The following COMMD10 variants were observed in gnomAD, a reference collection of about 807,000 sequenced individuals.
COMMD10 encodes COMM domain containing 10.
COMMD10 carries 33 observed loss-of-function variants against 28.9 expected under a neutral mutation model. That is an observed-to-expected ratio of 1.14 (90% CI 0.87 to 1.53). The LOEUF is 1.53. Ranked by LOEUF, COMMD10 falls within the 40% of genes most tolerant of loss-of-function variation. The pLI is 0.00. For synonymous variants in COMMD10, 110 were observed against 81.7 expected, an observed-to-expected ratio of 1.35 and a Z score of -1.87; for missense variants, 310 against 233.4, an observed-to-expected ratio of 1.33 and a Z score of -2.14.
At chr5:116,268,617 A>C (rs980124645) in intron 5 of COMMD10, among the ~76,000 whole-genome samples, 20 of 151,934 alleles carry the variant, frequency 1.3e-4, no homozygotes, top group East Asian at 1.9e-4. Flanking sequence ...ACCCAAAGGA[A>C]TATAAATCAT....
Position 116,103,121 on chromosome 5 carries a change from A to C in COMMD10, c.399+10421A>C, listed in dbSNP as rs559687940. Among the ~76,000 whole-genome samples, 260 of 152,276 alleles carry C rather than the reference A, an allele frequency of 1.7e-3. 1 individual carries two copies. The highest frequency in any genetic ancestry group is 5.8e-3 in the African/African-American group (240 of 41,544). ...TCTTTGCTGTTGTGAACAGTGCTGC[A>C]ATAAACATACATGTGCATGTGTCTT... On this transcript the variant is annotated intron_variant, in intron 4 of 6. Coordinates refer to ENST00000274458, the MANE Select transcript of COMMD10 (RefSeq NM_016144.4).
intron 5 of COMMD10, among the ~76,000 whole-genome samples, chr5:116,234,714 GAAA>G (rs1382411314): frequency 6.6e-6 from 1 of 152,066 alleles, no homozygotes; most frequent in Non-Finnish European, 1.5e-5. Context: ...AGGAACTTCC[GAAA>G]AAATAGTACT....
intron 4 of COMMD10, among the ~76,000 whole-genome samples, chr5:116,110,623 A>G (rs1471128251): frequency 6.6e-6 from 1 of 152,172 alleles, no homozygotes; most frequent in East Asian, 1.9e-4. Flanking sequence ...ACATTGCTAC[A>G]CAGAAATACC....
intron 5 of COMMD10, among the ~76,000 whole-genome samples, chr5:116,189,766 G>A (rs149420941): frequency 6.6e-6 from 1 of 152,132 alleles, no homozygotes; most frequent in East Asian, 1.9e-4. Context: ...GAAGAAAACA[G>A]TAATGAAAAT....
At chr5:116,118,947 A>G (rs1271980064) in intron 4 of COMMD10, among the ~76,000 whole-genome samples, 1 of 152,248 alleles carries the variant, frequency 6.6e-6, no homozygotes, top group African/African-American at 2.4e-5. Context: ...TGTTAGCAAA[A>G]TCACTCTTAT....
chr5:116,090,592 C>A (rs1580435476), intron 2 of COMMD10, among the ~76,000 whole-genome samples: 1 of 152,312 alleles, frequency 6.6e-6, no homozygotes, highest in South Asian at 2.1e-4. Flanking sequence ...GAGAGGTCAG[C>A]TCTCTGGGTT....
chr5:116,175,440 A>G (rs1753472803), intron 5 of COMMD10, among the ~76,000 whole-genome samples: 1 of 152,142 alleles, frequency 6.6e-6, no homozygotes, highest in Admixed American at 6.6e-5. Context: ...ATGAATGTAA[A>G]ATTGTATAGC....
intron 5 of COMMD10, among the ~76,000 whole-genome samples, chr5:116,149,201 C>CT (rs1752435740): frequency 6.9e-6 from 1 of 145,384 alleles, no homozygotes; most frequent in Non-Finnish European, 1.5e-5. Context: ...TTTTTTATGG[C>CT]TGCGTAGTAT....
At position 116,185,184 on chromosome 5, in the gene COMMD10, A is replaced by T. The variant is rs185358792; in HGVS notation, c.510+51006A>T. ...TATATTGTCTTAACCTATGTGATCC[A>T]CAATGACCCAAACTACAATGTATGT... is the stretch of plus-strand genomic sequence containing the variant. On this transcript the variant is annotated intron_variant, in intron 5 of 6. Coordinates refer to ENST00000274458, the MANE Select transcript of COMMD10 (RefSeq NM_016144.4). 3.9e-5 allele frequency among the ~76,000 whole-genome samples: 6 copies of T among 152,188 alleles called. No individual in the cohort carries two copies. In the East Asian group the frequency reaches 1.2e-3, roughly 29 times the overall value.
At chr5:116,135,991 T>TTA (rs1241950230) in intron 5 of COMMD10, among the ~76,000 whole-genome samples, 1 of 152,208 alleles carries the variant, frequency 6.6e-6, no homozygotes, top group African/African-American at 2.4e-5. Flanking sequence ...TGTAAAGTGT[T>TTA]TAGTCCAGTG....
chr5:116,254,462 G>T (rs1212101590), intron 5 of COMMD10, among the ~76,000 whole-genome samples: 2 of 151,068 alleles, frequency 1.3e-5, no homozygotes, highest in Admixed American at 6.6e-5. Flanking sequence ...TCTACACACT[G>T]CTTTGAATGC....
At chr5:116,230,254 G>T (rs1749496618) in intron 5 of COMMD10, among the ~76,000 whole-genome samples, 1 of 151,904 alleles carries the variant, frequency 6.6e-6, no homozygotes. Context: ...TCCATTACTT[G>T]TTAAGTGGTA....
At chr5:116,275,669 A>T (rs1018229389) in intron 5 of COMMD10, among the ~76,000 whole-genome samples, 1 of 151,820 alleles carries the variant, frequency 6.6e-6, no homozygotes, top group African/African-American at 2.4e-5. Context: ...TTCTGTATAA[A>T]TCAAAGCACC....
chr5:116,175,353 CT>C (rs1321631761), intron 5 of COMMD10, among the ~76,000 whole-genome samples: 3 of 151,890 alleles, frequency 2.0e-5, no homozygotes, highest in African/African-American at 7.3e-5. Flanking sequence ...AGTAGATGTC[CT>C]TATGTCACAT....
chr5:116,146,067 G>C (rs1284233946), intron 5 of COMMD10, among the ~76,000 whole-genome samples: 1 of 151,850 alleles, frequency 6.6e-6, no homozygotes, highest in Non-Finnish European at 1.5e-5. Context: ...CTTTTAATTT[G>C]AGTCTTGAGA....
At chr5:116,284,898 A>G (rs780084874) in intron 5 of COMMD10, among the ~76,000 whole-genome samples, 1 of 151,952 alleles carries the variant, frequency 6.6e-6, no homozygotes, top group Non-Finnish European at 1.5e-5. Flanking sequence ...AACTTAATGC[A>G]TTTCATATAT....
At chr5:116,277,561 C>T (rs927286631) in intron 5 of COMMD10, among the ~76,000 whole-genome samples, 1 of 151,838 alleles carries the variant, frequency 6.6e-6, no homozygotes, top group Non-Finnish European at 1.5e-5. Flanking sequence ...AGCATGTTTC[C>T]TATTATTATG....
chr5:116,215,642 A>G (rs1252555536), intron 5 of COMMD10, among the ~76,000 whole-genome samples: 1 of 149,674 alleles, frequency 6.7e-6, no homozygotes, highest in Non-Finnish European at 1.5e-5. Context: ...AGCTGAGATC[A>G]GGCCACTGCA....
chr5:116,207,754 A>G (rs1748851802), intron 5 of COMMD10, among the ~76,000 whole-genome samples: 2 of 152,092 alleles, frequency 1.3e-5, no homozygotes, highest in South Asian at 4.1e-4. Context: ...TCTAACTCCC[A>G]GTGATCCACC....
Sources: gnomAD v4.1 joint callset for allele counts (sites outside exome capture counted in the v4.1 genomes callset) on GRCh38, gnomAD v4.1.1 for gene constraint, MANE v1.5 for transcripts, NCBI Gene and HGNC (gene_info 2026-07-23, HGNC 2026-07-21) for gene names.